The following SYCP2L variants were observed in gnomAD, a reference collection of about 807,000 sequenced individuals.
SYCP2L encodes synaptonemal complex protein 2 like.
SYCP2L carries 98 observed loss-of-function variants against 125.8 expected under a neutral mutation model. The ratio of observed to expected loss-of-function variants is 0.78; its 90% CI spans 0.66 to 0.92. The LOEUF (loss-of-function observed/expected upper bound fraction) is 0.92, where lower values mean the gene tolerates loss of function less well. Ranked by LOEUF, SYCP2L falls within the 40% of genes least tolerant of loss-of-function variation. SYCP2L has a pLI of 0.00. For missense variants in SYCP2L, 842 were observed against 936.4 expected, an observed-to-expected ratio of 0.90 and a Z score of 1.32; for synonymous variants, 317 against 325.4, an observed-to-expected ratio of 0.97 and a Z score of 0.28.
intron 20 of SYCP2L, 43 bp from the exon 21 acceptor site, chr6:10,935,015 T>C: frequency 6.7e-7 from 1 of 1,500,384 alleles, no homozygotes; most frequent in South Asian, 1.3e-5. Context: ...TAACTTGTTT[T>C]TAATTATGAA....
At chr6:10,916,538 A>C (rs932001876) in intron 14 of SYCP2L, among the ~76,000 whole-genome samples, 2 of 152,228 alleles carry the variant, frequency 1.3e-5, no homozygotes, top group African/African-American at 4.8e-5. Flanking sequence ...ACTCAGTTCA[A>C]AGAATTTTTA....
chr6:10,926,785 T>TC (rs895129806), intron 16 of SYCP2L, among the ~76,000 whole-genome samples: 74 of 150,582 alleles, frequency 4.9e-4, no homozygotes, highest in Non-Finnish European at 8.8e-4. Context: ...TCTTTTCTTT[T>TC]TTTTTTTTTT....
At chr6:10,967,596 C>G (rs1781704701) in intron 29 of SYCP2L, among the ~76,000 whole-genome samples, 1 of 151,746 alleles carries the variant, frequency 6.6e-6, no homozygotes, top group South Asian at 2.1e-4. Context: ...TTTACCTGAT[C>G]AATAGAATAA....
At chr6:10,949,320 C>G (rs1217240415) in intron 23 of SYCP2L, among the ~76,000 whole-genome samples, 1 of 152,016 alleles carries the variant, frequency 6.6e-6, no homozygotes, top group African/African-American at 2.4e-5. Context: ...GCTTTTGTTA[C>G]CATCAATGGT....
At position 10,887,112 on chromosome 6, in the gene SYCP2L, C is replaced by G. The variant is rs773004544; in HGVS notation, c.-15C>G. On this transcript the variant is annotated 5_prime_UTR_variant, in exon 1 of 30. Coordinates refer to ENST00000283141, the MANE Select transcript of SYCP2L (RefSeq NM_001040274.3). ...GCTGAGCGGCGCGTCGCTTCAGGAA[C>G]GAAGAAGCCTCGTTATGCAAGCGGT... is the stretch of plus-strand genomic sequence containing the variant. 1 of 1,614,122 alleles carries G rather than the reference C, an allele frequency of 6.2e-7. No homozygotes were observed. The highest frequency in any genetic ancestry group is 8.5e-7 in the Non-Finnish European group (1 of 1,179,988).
chr6:10,959,075 TCATGGTCTAC>T (rs1781553622), intron 26 of SYCP2L, among the ~76,000 whole-genome samples, 200 bp downstream of exon 26: 1 of 152,260 alleles, frequency 6.6e-6, no homozygotes, highest in Admixed American at 6.5e-5. Flanking sequence ...TTAAGCCTCC[TCATGGTCTAC>T]CATGATACTA....
At chr6:10,934,207 T>G (rs1307932633) in intron 20 of SYCP2L, among the ~76,000 whole-genome samples, 2 of 152,238 alleles carry the variant, frequency 1.3e-5, no homozygotes, top group African/African-American at 2.4e-5. Flanking sequence ...TTAATGAAAG[T>G]ACTATTATTT....
In SYCP2L at chr6:10,912,687, G is replaced by A. The variant is rs73723610; in HGVS notation, c.933G>A (p.Ala311=). The part of the protein sequence containing the change: ...FADEHEMRKP[A]DEKLEKFWID... ...ATCTCTTACAGATGAGAAAACCAGCGGATGAAAAATTAGAGAAATTTTGGA... is the reference window on the plus strand; with the variant it reads ...ATCTCTTACAGATGAGAAAACCAGCAGATGAAAAATTAGAGAAATTTTGGA... The change falls in exon 13 of 30, where the codon GCG becomes GCA. Residue 311 remains alanine (A), a synonymous_variant. Transcript: ENST00000283141. The surrounding 1 kb of genome is among the most constrained non-coding windows in gnomAD (Gnocchi z 4.1). 1,068 of 1,612,916 alleles carry A rather than the reference G, an allele frequency of 6.6e-4. 9 individuals carry two copies. In the African/African-American group the frequency reaches 0.013, roughly 20 times the overall value.
At position 10,961,327 on chromosome 6, in the gene SYCP2L, C is replaced by T; in HGVS notation, c.2278C>T (p.Gln760Ter). 1 of 1,614,116 alleles carries T rather than the reference C, an allele frequency of 6.2e-7. No individual in the cohort carries two copies. Among genetic ancestry groups the T allele is most frequent in the Non-Finnish European group, 8.5e-7 (1 of 1,179,996 alleles). Residue 760 changes from glutamine (Q) to a stop codon, truncating the protein, a stop_gained, in exon 27 of 30, where the codon CAA (glutamine) becomes TAA (stop). Coordinates refer to ENST00000283141, the MANE Select transcript of SYCP2L (RefSeq NM_001040274.3). LOFTEE classifies it high-confidence loss of function. The part of the protein sequence containing the change: ...LFRLNKLERF[Q>*]NLVLQELSSL... The stretch of plus-strand genomic sequence containing the variant: ...TAGACTCAATAAACTAGAGCGCTTT[C>T]AAAATTTGGTTCTTCAAGAGTTGAG...
chr6:10,912,989 A>G lies in SYCP2L; in HGVS notation c.1072+62A>G. 1.4e-6 allele frequency: 2 copies of G among 1,470,058 alleles called. No homozygotes were observed. Among genetic ancestry groups the G allele is most frequent in the Non-Finnish European group, 1.9e-6 (2 of 1,064,440 alleles). 91.1% of individuals were successfully genotyped at this position (1,470,058 alleles called of 1,614,324 possible). A position where few individuals can be genotyped will look rare whatever the true frequency, so the allele number is the denominator to read the frequency against. On this transcript the variant is annotated intron_variant, in intron 14 of 29. Coordinates refer to ENST00000283141, the MANE Select transcript of SYCP2L (RefSeq NM_001040274.3). This position sits in a 1 kb window ranked among gnomAD's most constrained non-coding sequence, Gnocchi z 4.1. ...CAAATATTATTTCTGTTGTATATGC[A>G]GTGTGTATTTATTTAATTCTAGGGC...
intron 14 of SYCP2L, among the ~76,000 whole-genome samples, chr6:10,921,852 C>T (rs1212463619): frequency 6.6e-6 from 1 of 151,956 alleles, no homozygotes; most frequent in Non-Finnish European, 1.5e-5. Flanking sequence ...ACTACAGGCG[C>T]CCGCCACCAC....
intron 25 of SYCP2L, among the ~76,000 whole-genome samples, chr6:10,957,811 T>C (rs1329274089): frequency 2.0e-5 from 3 of 152,148 alleles, no homozygotes; most frequent in African/African-American, 7.2e-5. Flanking sequence ...AGCAAGACCA[T>C]GTCTCTATTT....
chr6:10,958,246 G>A (rs187335513), intron 25 of SYCP2L, among the ~76,000 whole-genome samples: 2 of 152,116 alleles, frequency 1.3e-5, no homozygotes, highest in East Asian at 3.9e-4. Context: ...TTAGCTCAAG[G>A]TTCTGCAGGC....
chr6:10,918,092 G>A (rs1291012411), intron 14 of SYCP2L, among the ~76,000 whole-genome samples: 2 of 151,608 alleles, frequency 1.3e-5, no homozygotes, highest in African/African-American at 4.8e-5. Flanking sequence ...TCCTTTGTTG[G>A]GAGGTTGAGG....
chr6:10,955,334 A>G, intron 24 of SYCP2L, 117 bp downstream of exon 24: 1 of 620,122 alleles, frequency 1.6e-6, no homozygotes, highest in Middle Eastern at 2.6e-4. Context: ...TAGCTACAAA[A>G]TCCTAAAAAC....
rs1003165316 is a variant in SYCP2L, at chr6:10,956,752, C to T, written c.2163+510C>T. ...TGCTGAGATTACAGGTGTAAGCCAC[C>T]AAGCTTGGCCCGTGGTAATCATTTC... On this transcript the variant is annotated intron_variant, in intron 25 of 29. Coordinates refer to ENST00000283141, the MANE Select transcript of SYCP2L (RefSeq NM_001040274.3). Among the ~76,000 whole-genome samples the T allele has an allele frequency of 2.0e-5, 3 of 150,510 alleles. No individual in the cohort carries two copies. In the East Asian group the frequency reaches 6.0e-4, roughly 30 times the overall value.
At chr6:10,907,734 A>G in intron 10 of SYCP2L, 50 bp downstream of exon 10, 2 of 1,591,334 alleles carry the variant, frequency 1.3e-6, no homozygotes, top group Non-Finnish European at 1.7e-6. Flanking sequence ...TTTATTAAGC[A>G]TCCGCTGAGA....
intron 16 of SYCP2L, among the ~76,000 whole-genome samples, chr6:10,926,839 G>A (rs59606656): frequency 6.6e-6 from 1 of 151,292 alleles, no homozygotes; most frequent in South Asian, 2.1e-4. Context: ...GAGTGCAGTG[G>A]CACGATCTCG....
chr6:10,912,864 A>G lies in SYCP2L; in HGVS notation c.1012-3A>G. 1 of 1,613,822 alleles carries G rather than the reference A, an allele frequency of 6.2e-7. No individual in the cohort carries two copies. The highest frequency in any genetic ancestry group is 8.5e-7 in the Non-Finnish European group (1 of 1,179,918). On this transcript the variant is annotated splice_region_variant and splice_polypyrimidine_tract_variant and intron_variant, in intron 13 of 29. Coordinates refer to ENST00000283141, the MANE Select transcript of SYCP2L (RefSeq NM_001040274.3). The surrounding 1 kb of genome is among the most constrained non-coding windows in gnomAD (Gnocchi z 4.1). ...ATGAATTTCACTTATTTATTTTCCC[A>G]AGAATACTCTATGGGACTCAGTGAC...
Sources: allele counts gnomAD v4.1 joint callset (sites outside exome capture counted in the v4.1 genomes callset), GRCh38; gene constraint gnomAD v4.1.1; non-coding constraint Gnocchi (gnomAD v3.1); transcripts MANE v1.5; gene names NCBI Gene and HGNC (gene_info 2026-07-23, HGNC 2026-07-21).